METTL15: variants seen among roughly 807,000 people sequenced by gnomAD.
METTL15 encodes the protein 12S rRNA N(4)-cytidine methyltransferase METTL15.
In METTL15, 34 loss-of-function variants were observed where a neutral mutation model predicts 38.3. The ratio of observed to expected loss-of-function variants is 0.89; its 90% CI spans 0.68 to 1.18. The LOEUF is 1.18. Among genes scored for constraint, METTL15 ranks in the 50% most tolerant of loss-of-function variants. METTL15 has a pLI of 0.00. For missense variants in METTL15, 438 were observed against 498.4 expected (o/e 0.88, Z 1.15); for synonymous variants, 162 against 170.9 (o/e 0.95, Z 0.41).
intron 5 of METTL15, among the ~76,000 whole-genome samples, 155 bp from the exon 6 acceptor site, chr11:28,296,598 A>T (rs183164335): frequency 6.6e-6 from 1 of 152,040 alleles, no homozygotes; most frequent in African/African-American, 2.4e-5. Flanking sequence ...TAGAAAGTCT[A>T]TTTCATTTGT....
At chr11:28,176,952 A>G (rs1021535340) in intron 3 of METTL15, among the ~76,000 whole-genome samples, 6 of 152,226 alleles carry the variant, frequency 3.9e-5, no homozygotes, top group African/African-American at 1.4e-4. Context: ...AAACTTTTCA[A>G]TAATATTTTC....
Position 28,321,995 on chromosome 11 carries a change from T to C in METTL15, c.779-8401T>C, listed in dbSNP as rs1354014443. Among the ~76,000 whole-genome samples the C allele has an allele frequency of 2.6e-5, 4 of 151,950 alleles. No individual in the cohort carries two copies. The South Asian group carries it at 8.3e-4, about 31-fold the overall frequency. ...TAATAAATAAGTTGACTATGTCATTTTGAAAAAAAATTAGATTTGAACCTC... is the reference window on the plus strand; with the variant it reads ...TAATAAATAAGTTGACTATGTCATTCTGAAAAAAAATTAGATTTGAACCTC... On this transcript the variant is annotated intron_variant, in intron 6 of 6. Coordinates refer to ENST00000407364, the MANE Select transcript of METTL15 (RefSeq NM_001113528.2).
In METTL15 at chr11:28,292,284, C is replaced by T. The variant is rs573741696; in HGVS notation, c.599+1887C>T. On this transcript the variant is annotated intron_variant, in intron 5 of 6. Coordinates refer to ENST00000407364, the MANE Select transcript of METTL15 (RefSeq NM_001113528.2). ...CCATGTGTTCTCATTGTTGAATTTGCACCTATGAGTGAGAACATGTGGTGT... is the reference window on the plus strand; with the variant it reads ...CCATGTGTTCTCATTGTTGAATTTGTACCTATGAGTGAGAACATGTGGTGT... 2.8e-5 allele frequency among the ~76,000 whole-genome samples: 4 copies of T among 142,996 alleles called. No individual in the cohort carries two copies. The South Asian group carries it at 8.8e-4, about 32-fold the overall frequency. The allele number at this position is 142,996 out of a possible 152,430, so 93.8% of individuals were successfully genotyped here. A position where few individuals can be genotyped will look rare whatever the true frequency, so the allele number is the denominator to read the frequency against.
chr11:28,448,597 A>C (rs1446298313), intron 6 of METTL15, among the ~76,000 whole-genome samples: 1 of 151,756 alleles, frequency 6.6e-6, no homozygotes, highest in Non-Finnish European at 1.5e-5. Context: ...TCTTGCTTTT[A>C]TTTTTCTCTG....
intron 5 of METTL15, among the ~76,000 whole-genome samples, chr11:28,368,784 A>G (rs1414477249): frequency 1.3e-5 from 2 of 152,212 alleles, no homozygotes; most frequent in African/African-American, 4.8e-5. Context: ...CTGGATAAAG[A>G]AAATGTGGCA....
intron 5 of METTL15, among the ~76,000 whole-genome samples, chr11:28,409,242 C>A (rs563500399): frequency 1.3e-5 from 2 of 151,652 alleles, no homozygotes; most frequent in South Asian, 4.2e-4. Context: ...ATTAGCCTGG[C>A]GGGGTGACAG....
intron 3 of METTL15, among the ~76,000 whole-genome samples, chr11:28,184,639 TCAA>T (rs1851426885): frequency 6.6e-6 from 1 of 151,648 alleles, no homozygotes; most frequent in African/African-American, 2.4e-5. Flanking sequence ...CTTACAATTA[TCAA>T]CAAGCATTAT....
intron 3 of METTL15, 24 bp downstream of exon 3, chr11:28,113,628 G>GC (rs1485158304): frequency 6.3e-7 from 1 of 1,595,846 alleles, no homozygotes; most frequent in Non-Finnish European, 8.5e-7. Context: ...TTATTTTTTA[G>GC]CAAGTTTTTG....
At chr11:28,313,609 G>C (rs1384158886) in intron 6 of METTL15, among the ~76,000 whole-genome samples, 1 of 151,856 alleles carries the variant, frequency 6.6e-6, no homozygotes, top group Non-Finnish European at 1.5e-5. Context: ...GCTATCGCAT[G>C]TTAATTTTAT....
chr11:28,482,869 A>G (rs1421816460), intron 6 of METTL15, among the ~76,000 whole-genome samples: 1 of 152,204 alleles, frequency 6.6e-6, no homozygotes, highest in Non-Finnish European at 1.5e-5. Flanking sequence ...ACTATGATTC[A>G]GAGAGCTCTC....
chr11:28,293,512 T>C (rs1351194116), intron 5 of METTL15, among the ~76,000 whole-genome samples: 8 of 152,184 alleles, frequency 5.3e-5, no homozygotes, highest in Admixed American at 2.6e-4. Context: ...TTTGTTCTTG[T>C]GGCTTAGGAT....
intron 4 of METTL15, chr11:28,361,844 T>C (rs558918449): frequency 7.2e-5 from 11 of 152,246 alleles, no homozygotes; most frequent in Admixed American, 2.0e-4. Context: ...AAGCTCCTCA[T>C]TGGGTTAGAC....
At chr11:28,472,197 T>G (rs1256143801) in intron 6 of METTL15, among the ~76,000 whole-genome samples, 3 of 152,106 alleles carry the variant, frequency 2.0e-5, no homozygotes, top group Non-Finnish European at 4.4e-5. Flanking sequence ...GTAATAGAAT[T>G]GTTATAAGTC....
chr11:28,245,324 G>T (rs536643478), intron 4 of METTL15, among the ~76,000 whole-genome samples: 3 of 152,114 alleles, frequency 2.0e-5, no homozygotes, highest in Admixed American at 6.5e-5. Context: ...AATTCCTGTG[G>T]CCATAAAAGG....
At chr11:28,282,053 A>C (rs905560459) in intron 4 of METTL15, among the ~76,000 whole-genome samples, 1 of 152,254 alleles carries the variant, frequency 6.6e-6, no homozygotes, top group African/African-American at 2.4e-5. Flanking sequence ...CTTGAAGGGA[A>C]GGAAGGACAA....
At chr11:28,338,388 A>G (rs190637384), downstream of METTL15, among the ~76,000 whole-genome samples, 2 of 152,258 alleles carry the variant, frequency 1.3e-5, no homozygotes, top group East Asian at 1.9e-4. Flanking sequence ...ACCAGGCCCA[A>G]CACCCTAATC....
intron 3 of METTL15, among the ~76,000 whole-genome samples, chr11:28,197,173 G>A (rs1851939532): frequency 2.0e-5 from 3 of 151,576 alleles, no homozygotes; most frequent in Non-Finnish European, 3.0e-5. Flanking sequence ...GATATACAAC[G>A]GTAATTTTTA....
At chr11:28,384,436 G>A (rs1356142583) in intron 5 of METTL15, among the ~76,000 whole-genome samples, 2 of 151,960 alleles carry the variant, frequency 1.3e-5, no homozygotes, top group Admixed American at 6.6e-5. Flanking sequence ...AGCCTCCCAA[G>A]TAGCTGGGAT....
Position 28,286,913 on chromosome 11 carries a change from G to A in METTL15, c.408-3293G>A, listed in dbSNP as rs547610660. On this transcript the variant is annotated intron_variant, in intron 4 of 6. Coordinates refer to ENST00000407364, the MANE Select transcript of METTL15 (RefSeq NM_001113528.2). ...ACAGACTATATATATATGTGTGTGT[G>A]TACATATATATGTACTCTCCGCACT... is the stretch of plus-strand genomic sequence containing the variant. Among the ~76,000 whole-genome samples the A allele has an allele frequency of 5.2e-4, 79 of 151,114 alleles. 3 individuals carry two copies. The South Asian group carries it at 0.016, about 31-fold the overall frequency.
Sources: gnomAD v4.1 joint callset for allele counts (sites outside exome capture counted in the v4.1 genomes callset) on GRCh38, gnomAD v4.1.1 for gene constraint, MANE v1.5 for transcripts, NCBI Gene and HGNC (gene_info 2026-07-23, HGNC 2026-07-21) for gene names.